PTPRG: variants seen among roughly 807,000 people sequenced by gnomAD.
The protein encoded by PTPRG is protein tyrosine phosphatase receptor type G, also known as receptor-type tyrosine-protein phosphatase gamma.
In PTPRG, 102 loss-of-function variants were observed where a neutral mutation model predicts 165.3. That is an observed-to-expected ratio of 0.62 (90% CI 0.53 to 0.73). The LOEUF (loss-of-function observed/expected upper bound fraction) is 0.73. Ranked by LOEUF, PTPRG falls within the 30% of genes least tolerant of loss-of-function variation. The pLI is 0.00. For synonymous variants in PTPRG, 675 were observed against 669.5 expected (o/e 1.01, Z -0.13); for missense variants, 1,866 against 1,861.4 (o/e 1.00, Z -0.05).
intron 2 of PTPRG, among the ~76,000 whole-genome samples, chr3:61,911,952 CTG>C: frequency 6.6e-6 from 1 of 152,298 alleles, no homozygotes; most frequent in Non-Finnish European, 1.5e-5. Context: ...CCTGGTAAAT[CTG>C]TGTATTTTTC....
intron 2 of PTPRG, among the ~76,000 whole-genome samples, chr3:61,786,228 A>G (rs182215714): frequency 1.5e-4 from 23 of 152,236 alleles, no homozygotes; most frequent in African/African-American, 5.3e-4. Flanking sequence ...AAAGAGGGCA[A>G]TTTGCATTGG....
At chr3:62,209,923 T>A (rs959797435) in intron 12 of PTPRG, among the ~76,000 whole-genome samples, 3 of 152,196 alleles carry the variant, frequency 2.0e-5, no homozygotes, top group African/African-American at 7.2e-5. Context: ...ATAAGATTGG[T>A]GTACAACTTC....
In PTPRG at chr3:62,233,717, C is replaced by T. The variant is rs139912474; in HGVS notation, c.2375+2406C>T. Among the ~76,000 whole-genome samples the T allele has an allele frequency of 6.2e-4, 95 of 152,300 alleles. 1 individual carries two copies. Among genetic ancestry groups the T allele is most frequent in the Middle Eastern group, 6.8e-3 (2 of 294 alleles). Reference sequence around the variant, plus strand: ...CCCCTGTCATCTCCCTGTCCCACAGCAGGAAGGAAGGAGACTGTGCCGCTA... The same window carrying T: ...CCCCTGTCATCTCCCTGTCCCACAGTAGGAAGGAAGGAGACTGTGCCGCTA... On this transcript the variant is annotated intron_variant, in intron 14 of 29. Coordinates refer to ENST00000474889, the MANE Select transcript of PTPRG (RefSeq NM_002841.4). The surrounding 1 kb of genome is among the most constrained non-coding windows in gnomAD (Gnocchi z 4.7).
At chr3:61,846,442 AC>A (rs771814968) in intron 2 of PTPRG, among the ~76,000 whole-genome samples, 9 of 152,200 alleles carry the variant, frequency 5.9e-5, no homozygotes, top group Non-Finnish European at 1.3e-4. Context: ...CAAAAAAAAC[AC>A]CCATCTGGAT....
At chr3:61,627,219 T>C (rs1387479959) in intron 1 of PTPRG, among the ~76,000 whole-genome samples, 1 of 152,054 alleles carries the variant, frequency 6.6e-6, no homozygotes, top group African/African-American at 2.4e-5. Flanking sequence ...TTTAAAAGAG[T>C]CCGTATCTTT....
chr3:62,109,155 T>A (rs1238312122), intron 5 of PTPRG, among the ~76,000 whole-genome samples: 1 of 152,234 alleles, frequency 6.6e-6, no homozygotes, highest in Non-Finnish European at 1.5e-5. Flanking sequence ...CCAGGTTTTC[T>A]TCTAGGATTT....
At chr3:62,036,970 T>C (rs143494158) in intron 4 of PTPRG, among the ~76,000 whole-genome samples, 5 of 109,622 alleles carry the variant, frequency 4.6e-5, no homozygotes, top group African/African-American at 7.5e-5. Flanking sequence ...GTGCTGCACG[T>C]GCGCGCGCGC....
At chr3:61,759,425 T>C (rs1251762117) in intron 2 of PTPRG, among the ~76,000 whole-genome samples, 1 of 152,044 alleles carries the variant, frequency 6.6e-6, no homozygotes, top group Non-Finnish European at 1.5e-5. Flanking sequence ...AAGGCTGAGG[T>C]GGGAGGATCA....
intron 2 of PTPRG, among the ~76,000 whole-genome samples, chr3:61,886,371 T>C (rs2038036851): frequency 6.6e-6 from 1 of 152,210 alleles, no homozygotes; most frequent in African/African-American, 2.4e-5. Context: ...GACTACCTAG[T>C]AGTTCATTTA....
Position 62,273,691 on chromosome 3 carries a change from C to G in PTPRG, c.3319-7C>G, listed in dbSNP as rs1702146876. ...CCTCAGTGACTACCATGTATTGTACCTCTTAGGAGCAGTACATTTTCATCC... is the reference window on the plus strand; with the variant it reads ...CCTCAGTGACTACCATGTATTGTACGTCTTAGGAGCAGTACATTTTCATCC... On this transcript the variant is annotated splice_region_variant and splice_polypyrimidine_tract_variant and intron_variant, in intron 22 of 29. Transcript: ENST00000474889. The surrounding 1 kb of genome is among the most constrained non-coding windows in gnomAD (Gnocchi z 4.1). 3 of 1,612,764 alleles carry G rather than the reference C, an allele frequency of 1.9e-6. No homozygotes were observed. The highest frequency in any genetic ancestry group is 2.7e-5 in the African/African-American group (2 of 74,858).
At chr3:61,749,384 C>A in intron 2 of PTPRG, 1 of 313,470 alleles carries the variant, frequency 3.2e-6, no homozygotes, top group Admixed American at 4.9e-5. Context: ...TATCAGAATG[C>A]TCTATTAGGC....
At chr3:61,781,562 C>T (rs994833294) in intron 2 of PTPRG, among the ~76,000 whole-genome samples, 44 of 152,282 alleles carry the variant, frequency 2.9e-4, no homozygotes, top group Admixed American at 7.2e-4. Context: ...GAGTTTCCTA[C>T]ATGAGGCAAA....
Position 62,160,864 on chromosome 3 carries a change from A to ATTTTTTTTTT in PTPRG, c.840+3655_840+3664dup, listed in dbSNP as rs5849464. ...TACTTTGTTTACCTTTAGATGTGTG[A>ATTTTTTTTTT]TTTTTTTTTTTTTTTTTTTTTTTTC... On this transcript the variant is annotated intron_variant, in intron 7 of 29. Transcript: ENST00000474889. 4.1e-4 allele frequency among the ~76,000 whole-genome samples: 43 copies of ATTTTTTTTTT among 103,974 alleles called. 2 individuals are homozygous for ATTTTTTTTTT. The highest frequency in any genetic ancestry group is 1.0e-3 in the African/African-American group (27 of 26,490). The allele number at this position is 103,974 out of a possible 152,430, so 68.2% of individuals were successfully genotyped here.
chr3:61,680,513 AAAAAACAC>A (rs1385580360), intron 1 of PTPRG, among the ~76,000 whole-genome samples: 29 of 146,194 alleles, frequency 2.0e-4, no homozygotes, highest in Non-Finnish European at 4.1e-4. Flanking sequence ...AAAAAAAAAA[AAAAAACAC>A]AAAAAAACAG....
intron 2 of PTPRG, among the ~76,000 whole-genome samples, chr3:61,925,026 C>T (rs1389069186): frequency 1.3e-5 from 2 of 152,192 alleles, no homozygotes; most frequent in Non-Finnish European, 2.9e-5. Flanking sequence ...ACAGAACACA[C>T]TGGTCCCCTG....
intron 2 of PTPRG, among the ~76,000 whole-genome samples, chr3:61,813,181 A>G (rs1284752565): frequency 1.3e-5 from 2 of 151,986 alleles, no homozygotes; most frequent in African/African-American, 4.8e-5. Context: ...TAGAAAGAGT[A>G]AGGTATTTTA....
At chr3:62,258,037 C>T (rs1173467685) in intron 16 of PTPRG, among the ~76,000 whole-genome samples, 1 of 152,050 alleles carries the variant, frequency 6.6e-6, no homozygotes, top group Non-Finnish European at 1.5e-5. Context: ...AGGAAGCTTG[C>T]AAGTGACTAG....
intron 1 of PTPRG, among the ~76,000 whole-genome samples, chr3:61,746,036 T>C (rs115989211): frequency 0.014 from 1,819 of 126,836 alleles, 26 homozygotes; most frequent in South Asian, 0.038. Context: ...TTAAACTTTC[T>C]TTCTTTTTCT....
At chr3:62,182,766 T>C (rs1172731066) in intron 8 of PTPRG, among the ~76,000 whole-genome samples, 3 of 152,190 alleles carry the variant, frequency 2.0e-5, no homozygotes, top group Admixed American at 2.0e-4. Context: ...TTCAAGCAAT[T>C]CTGCCTCAGT....
Sources: allele counts gnomAD v4.1 joint callset (sites outside exome capture counted in the v4.1 genomes callset), GRCh38; gene constraint gnomAD v4.1.1; non-coding constraint Gnocchi (gnomAD v3.1); transcripts MANE v1.5; gene names NCBI Gene and HGNC (gene_info 2026-07-23, HGNC 2026-07-21).